Variants in PPP4R3B observed in about 807,000 individuals in gnomAD.
PPP4R3B encodes the protein protein phosphatase 4 regulatory subunit 3B.
In PPP4R3B, 52 loss-of-function variants were observed where a neutral mutation model predicts 95.4. That is an observed-to-expected ratio of 0.54 (90% CI 0.44 to 0.69). The LOEUF is 0.69. Ranked by LOEUF, PPP4R3B falls within the 30% of genes least tolerant of loss-of-function variation. The probability of loss-of-function intolerance (pLI) is 0.00; values close to 1 mark genes in which losing one functional copy is unlikely to be tolerated. For synonymous variants in PPP4R3B, 407 were observed against 343.9 expected, an observed-to-expected ratio of 1.18 and a Z score of -2.03; for missense variants, 1,003 against 1,005.9, an observed-to-expected ratio of 1.00 and a Z score of 0.04.
intron 5 of PPP4R3B, among the ~76,000 whole-genome samples, chr2:55,587,363 C>G (rs1401270471): frequency 6.6e-6 from 1 of 152,196 alleles, no homozygotes; most frequent in Non-Finnish European, 1.5e-5. Context: ...GCAGGCGGAT[C>G]ACTTGAGTCC....
intron 12 of PPP4R3B, among the ~76,000 whole-genome samples, chr2:55,572,516 G>A (rs956338166): frequency 2.2e-4 from 34 of 152,110 alleles, no homozygotes; most frequent in African/African-American, 7.7e-4. Flanking sequence ...GAATAACAAT[G>A]AGATACCACA....
chr2:55,558,749 T>A lies in PPP4R3B; in HGVS notation c.2454+26A>T, dbSNP rs756713030. 26 of 1,463,554 alleles carry A rather than the reference T, an allele frequency of 1.8e-5. No homozygotes were observed. The South Asian group carries it at 3.9e-4, about 22-fold the overall frequency. 90.7% of individuals were successfully genotyped at this position (1,463,554 alleles called of 1,614,324 possible). ...AATCTCACAGACGGGAAAAGCAAAG[T>A]TTGTGTGTAATGCTGTTTCACCTAC... On this transcript the variant is annotated intron_variant, in intron 16 of 16. Transcript: ENST00000616407.
chr2:55,579,864 GA>G (rs1395030859), intron 8 of PPP4R3B, 83 bp from the exon 9 acceptor site: 3 of 747,886 alleles, frequency 4.0e-6, no homozygotes, highest in Non-Finnish European at 6.3e-6. Flanking sequence ...ACCTTTTCCA[GA>G]ACCAAACCAA....
At chr2:55,576,216 G>C (rs977503297) in intron 11 of PPP4R3B, among the ~76,000 whole-genome samples, 4 of 152,154 alleles carry the variant, frequency 2.6e-5, no homozygotes, top group Non-Finnish European at 4.4e-5. Flanking sequence ...GGGCGTGGTG[G>C]TGCACACCTG....
intron 7 of PPP4R3B, among the ~76,000 whole-genome samples, chr2:55,581,917 GA>G (rs1323303630): frequency 1.1e-4 from 17 of 151,086 alleles, no homozygotes; most frequent in East Asian, 1.9e-4. Context: ...AAAAAAAGAA[GA>G]AGGAGGAAAA....
At chr2:55,554,802 T>C (rs1685634521) in intron 16 of PPP4R3B, among the ~76,000 whole-genome samples, 1 of 152,246 alleles carries the variant, frequency 6.6e-6, no homozygotes, top group Non-Finnish European at 1.5e-5. Flanking sequence ...GTGTCATATC[T>C]AAGAAATCAC....
chr2:55,610,700 C>T (rs7562222), intron 2 of PPP4R3B, among the ~76,000 whole-genome samples: 39 of 152,270 alleles, frequency 2.6e-4, no homozygotes, highest in African/African-American at 8.4e-4. Context: ...AATGCTTTCA[C>T]GGGCTTTCAG....
intron 4 of PPP4R3B, 52 bp downstream of exon 4, chr2:55,598,364 A>C (rs1692088815): frequency 6.4e-7 from 1 of 1,563,520 alleles, no homozygotes; most frequent in Admixed American, 1.9e-5. Context: ...TGAACTATTA[A>C]GGGAACTAAA....
intron 2 of PPP4R3B, among the ~76,000 whole-genome samples, chr2:55,612,763 T>C (rs566579943): frequency 1.0e-3 from 154 of 151,940 alleles, no homozygotes; most frequent in African/African-American, 3.6e-3. Flanking sequence ...GCTAACACGG[T>C]GAAACCCCAT....
At chr2:55,553,709 TG>T (rs1166194631) in intron 16 of PPP4R3B, among the ~76,000 whole-genome samples, 2 of 152,202 alleles carry the variant, frequency 1.3e-5, no homozygotes, top group African/African-American at 4.8e-5. Flanking sequence ...ATACAATATG[TG>T]GTCTTTTGTG....
At position 55,596,692 on chromosome 2, in the gene PPP4R3B, G is replaced by T. The variant is rs547118487; in HGVS notation, c.921+1724C>A. 5.5e-4 allele frequency among the ~76,000 whole-genome samples: 84 copies of T among 152,384 alleles called. No homozygotes were observed. The Middle Eastern group carries it at 0.01, about 19-fold the overall frequency. ...AATATAGCTGCATTGGCCAGGTGCAGTGGCTCACGCCTGTAATCCCAGCAC... is the reference window on the plus strand; with the variant it reads ...AATATAGCTGCATTGGCCAGGTGCATTGGCTCACGCCTGTAATCCCAGCAC... On this transcript the variant is annotated intron_variant, in intron 4 of 16. Transcript: ENST00000616407.
chr2:55,578,206 A>G (rs1314092470), intron 10 of PPP4R3B, 41 bp downstream of exon 10: 53 of 1,345,326 alleles, frequency 3.9e-5, no homozygotes, highest in Non-Finnish European at 3.8e-5. Flanking sequence ...TCATAACAAC[A>G]TAAGTAAATA....
chr2:55,596,966 AAAT>A (rs926146411), intron 4 of PPP4R3B, among the ~76,000 whole-genome samples: 3 of 152,202 alleles, frequency 2.0e-5, no homozygotes, highest in African/African-American at 7.2e-5. Context: ...CTCCGTCTCA[AAAT>A]AATAATAATA....
chr2:55,617,090 G>A, intron 1 of PPP4R3B, 54 bp downstream of exon 1: 1 of 1,536,660 alleles, frequency 6.5e-7, no homozygotes, highest in South Asian at 1.2e-5. Flanking sequence ...CTAAACCCAA[G>A]CTGTGCCCCA....
At chr2:55,607,611 C>CTTAG (rs1264571520) in intron 2 of PPP4R3B, among the ~76,000 whole-genome samples, 1 of 152,190 alleles carries the variant, frequency 6.6e-6, no homozygotes, top group African/African-American at 2.4e-5. Flanking sequence ...GGAACTTCCA[C>CTTAG]TTAGTTATCT....
At chr2:55,593,015 C>G (rs1207465336) in intron 4 of PPP4R3B, among the ~76,000 whole-genome samples, 2 of 152,036 alleles carry the variant, frequency 1.3e-5, no homozygotes, top group East Asian at 3.9e-4. Context: ...AAAAATTAGC[C>G]AGGCATGGTG....
intron 2 of PPP4R3B, among the ~76,000 whole-genome samples, chr2:55,612,628 C>A (rs553991783): frequency 6.6e-6 from 1 of 152,018 alleles, no homozygotes; most frequent in Non-Finnish European, 1.5e-5. Flanking sequence ...AACGAGACCC[C>A]ATCTTTACAA....
chr2:55,595,945 G>C (rs1047454258), intron 4 of PPP4R3B, among the ~76,000 whole-genome samples: 4 of 152,078 alleles, frequency 2.6e-5, no homozygotes, highest in Admixed American at 1.3e-4. Flanking sequence ...GCTGAGTATA[G>C]GCTACTGTTA....
intron 3 of PPP4R3B, among the ~76,000 whole-genome samples, chr2:55,601,578 C>T (rs1692619138): frequency 6.6e-6 from 1 of 152,034 alleles, no homozygotes; most frequent in Non-Finnish European, 1.5e-5. Flanking sequence ...GACGGGGTTT[C>T]ACTGTGTTAG....
Sources: gnomAD v4.1 joint callset for allele counts (sites outside exome capture counted in the v4.1 genomes callset) on GRCh38, gnomAD v4.1.1 for gene constraint, MANE v1.5 for transcripts, NCBI Gene and HGNC (gene_info 2026-07-23, HGNC 2026-07-21) for gene names.